MYO1E: variants seen among roughly 807,000 people sequenced by gnomAD.
MYO1E encodes unconventional myosin-Ie.
MYO1E carries 68 observed loss-of-function variants against 151.1 expected under a neutral mutation model. The ratio of observed to expected loss-of-function variants is 0.45; its 90% CI spans 0.37 to 0.55. The LOEUF (loss-of-function observed/expected upper bound fraction) is 0.55. Among genes scored for constraint, MYO1E ranks in the 20% least tolerant of loss-of-function variants. MYO1E has a pLI of 0.00. For missense variants in MYO1E, 1,363 were observed against 1,389.3 expected (o/e 0.98, Z 0.30); for synonymous variants, 601 against 501.7 (o/e 1.20, Z -2.64).
At chr15:59,181,695 A>C (rs2079658918) in intron 18 of MYO1E, among the ~76,000 whole-genome samples, 1 of 152,240 alleles carries the variant, frequency 6.6e-6, no homozygotes, top group Non-Finnish European at 1.5e-5. Flanking sequence ...AATATTTCCT[A>C]AGCAAACACT....
At chr15:59,328,235 G>A (rs2057677257) in intron 1 of MYO1E, among the ~76,000 whole-genome samples, 1 of 152,164 alleles carries the variant, frequency 6.6e-6, no homozygotes, top group South Asian at 2.1e-4. Flanking sequence ...TGAGAGTGGA[G>A]TAGTACATTT....
chr15:59,198,719 TGAGGCAGGAGGATCGCTTGAATCTGG>T (rs1401005923), intron 16 of MYO1E, among the ~76,000 whole-genome samples: 1 of 151,588 alleles, frequency 6.6e-6, no homozygotes, highest in Admixed American at 6.6e-5. Context: ...CGTGGGAGGA[TGAGGCAGGAGGATCGCTTGAATCTGG>T]GAGGCAGAGG....
chr15:59,289,149 A>G (rs2080404881), intron 1 of MYO1E, among the ~76,000 whole-genome samples: 1 of 152,156 alleles, frequency 6.6e-6, no homozygotes, highest in Non-Finnish European at 1.5e-5. Flanking sequence ...CCAGGACTAG[A>G]ACTCGGGTCC....
At chr15:59,245,090 G>A (rs116537611) in intron 4 of MYO1E, among the ~76,000 whole-genome samples, 1,692 of 152,314 alleles carry the variant, frequency 0.011, 37 homozygotes, top group African/African-American at 0.039. Flanking sequence ...GGGGGATGGC[G>A]AGGTCAAAGG....
intron 17 of MYO1E, among the ~76,000 whole-genome samples, chr15:59,191,360 G>A (rs1394571256): frequency 6.6e-6 from 1 of 150,418 alleles, no homozygotes; most frequent in East Asian, 1.9e-4. Context: ...GAGAGAGAGA[G>A]AGAGAGAGAA....
chr15:59,202,902 C>G (rs1027807711), intron 15 of MYO1E, among the ~76,000 whole-genome samples: 2 of 152,102 alleles, frequency 1.3e-5, no homozygotes, highest in Admixed American at 6.6e-5. Context: ...GACGCCACCA[C>G]GTCCAGCTAA....
At chr15:59,224,025 G>A (rs2140349966) in intron 8 of MYO1E, among the ~76,000 whole-genome samples, 1 of 152,318 alleles carries the variant, frequency 6.6e-6, no homozygotes, top group Non-Finnish European at 1.5e-5. Context: ...TCTGGATCTG[G>A]GTTGAGGAAT....
chr15:59,283,674 T>C (rs574607525), intron 1 of MYO1E, among the ~76,000 whole-genome samples: 13 of 152,346 alleles, frequency 8.5e-5, no homozygotes, highest in African/African-American at 2.4e-4. Context: ...ATATAACTTA[T>C]CTAATCCTTA....
intron 17 of MYO1E, among the ~76,000 whole-genome samples, chr15:59,192,392 G>A (rs1596359022): frequency 6.6e-6 from 1 of 152,084 alleles, no homozygotes; most frequent in African/African-American, 2.4e-5. Flanking sequence ...TCCATTTTCT[G>A]ATATTCCAAT....
At chr15:59,318,783 A>G (rs1363745512) in intron 1 of MYO1E, among the ~76,000 whole-genome samples, 3 of 152,216 alleles carry the variant, frequency 2.0e-5, no homozygotes, top group African/African-American at 7.2e-5. Context: ...TCTTTGAGAC[A>G]GATGTTGTTA....
intron 23 of MYO1E, among the ~76,000 whole-genome samples, chr15:59,162,246 A>G (rs1439694197): frequency 3.3e-5 from 5 of 152,012 alleles, no homozygotes; most frequent in Admixed American, 2.0e-4. Flanking sequence ...TGGTCTTACT[A>G]TATTGCCCAG....
Position 59,138,213 on chromosome 15 carries a change from CAATAAT to C in MYO1E, c.3229_3234del (p.Ile1077_Ile1078del), listed in dbSNP as rs762184207. The C allele has an allele frequency of 6.2e-7, 1 of 1,614,178 alleles. No individual in the cohort carries two copies. Among genetic ancestry groups the C allele is most frequent in the South Asian group, 1.1e-5 (1 of 91,076 alleles). ...ACACACTTACCTTCTTTGATAATATCAATAATGTCATTGGCATTAAAGCTGAGTTCG... is the reference window on the plus strand; with the variant it reads ...ACACACTTACCTTCTTTGATAATATCGTCATTGGCATTAAAGCTGAGTTCG... On this transcript the variant is annotated inframe_deletion, in exon 27 of 28. Coordinates refer to ENST00000288235, the MANE Select transcript of MYO1E (RefSeq NM_004998.4).
At chr15:59,355,128 A>T (rs1567023304) in intron 1 of MYO1E, among the ~76,000 whole-genome samples, 1 of 152,192 alleles carries the variant, frequency 6.6e-6, no homozygotes, top group Non-Finnish European at 1.5e-5. Context: ...CAGTTGTTCA[A>T]TTCAGCAAAG....
Position 59,153,650 on chromosome 15 carries a change from C to T in MYO1E, c.3020G>A (p.Arg1007Gln), listed in dbSNP as rs564470291. Residue 1007 changes from arginine to glutamine, a missense_variant, in exon 26 of 28, where the codon CGA becomes CAA. By Grantham distance (43) the Arg-to-Gln change is conservative (BLOSUM62 1). Coordinates refer to ENST00000288235, the MANE Select transcript of MYO1E (RefSeq NM_004998.4). ...LPRQQSTSSD[R>Q]VSQTPESLDF... ...CAGGCTCTCTGGCGTCTGTGACACT[C>T]GGTCTGAACTGGTAGACTGCTGCCG... 9.3e-6 allele frequency: 15 copies of T among 1,614,176 alleles called. No individual in the cohort carries two copies. Among genetic ancestry groups the T allele is most frequent in the Admixed American group, 8.3e-5 (5 of 60,028 alleles).
chr15:59,225,827 T>C (rs1408125491), intron 7 of MYO1E, among the ~76,000 whole-genome samples: 1 of 152,136 alleles, frequency 6.6e-6, no homozygotes, highest in Non-Finnish European at 1.5e-5. Context: ...TTTGTATTTT[T>C]AGTAGAGACA....
At chr15:59,168,706 G>A (rs1375330190) in intron 22 of MYO1E, among the ~76,000 whole-genome samples, 14 of 150,650 alleles carry the variant, frequency 9.3e-5, no homozygotes, top group Admixed American at 9.3e-4. Flanking sequence ...TTGCAGCCTT[G>A]ACCTATTGGG....
intron 15 of MYO1E, among the ~76,000 whole-genome samples, chr15:59,205,009 T>C (rs1318186688): frequency 6.6e-6 from 1 of 152,118 alleles, no homozygotes; most frequent in Non-Finnish European, 1.5e-5. Flanking sequence ...GGGCATGAAG[T>C]GTTAGGGACA....
intron 26 of MYO1E, among the ~76,000 whole-genome samples, chr15:59,151,072 T>G (rs1348569597): frequency 7.2e-6 from 1 of 139,186 alleles, no homozygotes; most frequent in Non-Finnish European, 1.5e-5. Context: ...CACGTGCACT[T>G]AGAGAGAGGT....
Position 59,205,444 on chromosome 15 carries a change from A to G in MYO1E, c.1572T>C (p.Asp524=). 6.2e-7 allele frequency: 1 copy of G among 1,614,234 alleles called. No individual in the cohort carries two copies. The change falls in exon 15 of 28, where the codon GAT becomes GAC. Residue 524 remains aspartate (D), a synonymous_variant. Coordinates refer to ENST00000288235, the MANE Select transcript of MYO1E (RefSeq NM_004998.4). ...GCTCGATGAGATCCATAAAAAGCACATCCCGGTTCCTTTCACAAAAGCCAT... is the reference window on the plus strand; with the variant it reads ...GCTCGATGAGATCCATAAAAAGCACGTCCCGGTTCCTTTCACAAAAGCCAT... The part of the protein sequence containing the change: ...DMDGFCERNR[D]VLFMDLIELM...
Sources: allele counts gnomAD v4.1 joint callset (sites outside exome capture counted in the v4.1 genomes callset), GRCh38; gene constraint gnomAD v4.1.1; transcripts MANE v1.5; gene names NCBI Gene and HGNC (gene_info 2026-07-23, HGNC 2026-07-21).